PTPN22: variants seen among roughly 807,000 people sequenced by gnomAD.
PTPN22 encodes the protein protein tyrosine phosphatase non-receptor type 22.
In PTPN22, 85 loss-of-function variants were observed where a neutral mutation model predicts 103.3. The ratio of observed to expected loss-of-function variants is 0.82; its 90% CI spans 0.69 to 0.99. The LOEUF is 0.99. Among genes scored for constraint, PTPN22 ranks in the 50% least tolerant of loss-of-function variants. The pLI, the probability that PTPN22 is intolerant of heterozygous loss-of-function variation, is 0.00. For synonymous variants in PTPN22, 323 were observed against 310.2 expected (o/e 1.04, Z -0.43); for missense variants, 865 against 936.9 (o/e 0.92, Z 1.00).
intron 9 of PTPN22, among the ~76,000 whole-genome samples, chr1:113,852,657 A>G (rs923707857): frequency 6.6e-6 from 1 of 152,174 alleles, no homozygotes; most frequent in Non-Finnish European, 1.5e-5. Context: ...ACATGATTCA[A>G]TTCAATGGGG....
intron 11 of PTPN22, among the ~76,000 whole-genome samples, chr1:113,845,007 G>A (rs979403761): frequency 2.0e-5 from 3 of 151,806 alleles, no homozygotes; most frequent in Non-Finnish European, 2.9e-5. Context: ...TTGTAGAGAC[G>A]GGGGTCCCCC....
intron 11 of PTPN22, among the ~76,000 whole-genome samples, chr1:113,847,929 A>C (rs145893327): frequency 3.2e-4 from 48 of 151,852 alleles, no homozygotes; most frequent in African/African-American, 1.2e-3. Context: ...TGTAGAGACA[A>C]TTGCTATGTT....
At chr1:113,839,738 T>C (rs911420752) in intron 11 of PTPN22, among the ~76,000 whole-genome samples, 9 of 152,162 alleles carry the variant, frequency 5.9e-5, no homozygotes, top group Non-Finnish European at 1.0e-4. Context: ...AGAGGCCATA[T>C]ATGAAAACCC....
intron 1 of PTPN22, among the ~76,000 whole-genome samples, chr1:113,865,469 C>T (rs530938317): frequency 5.3e-5 from 8 of 152,142 alleles, no homozygotes; most frequent in East Asian, 3.9e-4. Flanking sequence ...AACGATTAAA[C>T]GAGATCACGT....
exon 13 of PTPN22, chr1:113,837,590 C>T (rs1324956786): frequency 6.5e-7 from 1 of 1,547,488 alleles, no homozygotes; most frequent in African/African-American, 1.4e-5. Context: ...AATAACTTAC[C>T]TAGTACAGCT....
At chr1:113,857,122 T>A (rs561244645) in intron 5 of PTPN22, among the ~76,000 whole-genome samples, 1 of 152,236 alleles carries the variant, frequency 6.6e-6, no homozygotes, top group Non-Finnish European at 1.5e-5. Context: ...TTCTGACATG[T>A]AACCAATATA....
intron 1 of PTPN22, among the ~76,000 whole-genome samples, chr1:113,869,426 C>T (rs765371663): frequency 4.0e-5 from 6 of 150,476 alleles, no homozygotes; most frequent in Non-Finnish European, 7.4e-5. Flanking sequence ...CAGAAGTTCG[C>T]TCTTGTTGTC....
chr1:113,819,987 A>G (rs1347938420), intron 19 of PTPN22, among the ~76,000 whole-genome samples: 1 of 148,926 alleles, frequency 6.7e-6, no homozygotes, highest in African/African-American at 2.5e-5. Context: ...TTGGCTTTGG[A>G]CTTCATATTA....
At chr1:113,853,166 G>T (rs1334863114) in intron 9 of PTPN22, among the ~76,000 whole-genome samples, 1 of 150,874 alleles carries the variant, frequency 6.6e-6, no homozygotes, top group Non-Finnish European at 1.5e-5. Flanking sequence ...TTGAACTCCC[G>T]ACCTCAGGTG....
chr1:113,839,650 G>A (rs1224074171), intron 11 of PTPN22, among the ~76,000 whole-genome samples: 3 of 152,034 alleles, frequency 2.0e-5, no homozygotes, highest in Non-Finnish European at 2.9e-5. Context: ...CTCAGTTGAT[G>A]CAGAAAAAGC....
At chr1:113,864,519 G>A (rs150924951) in intron 1 of PTPN22, 1 of 243,970 alleles carries the variant, frequency 4.1e-6, no homozygotes, top group African/African-American at 2.4e-5. Flanking sequence ...TCAACACTTT[G>A]GGAGGCTGAG....
At chr1:113,862,612 A>G (rs1014383852) in intron 1 of PTPN22, among the ~76,000 whole-genome samples, 1 of 152,244 alleles carries the variant, frequency 6.6e-6, no homozygotes, top group Non-Finnish European at 1.5e-5. Flanking sequence ...CAAGACCACG[A>G]TATCTTTGCC....
In PTPN22 at chr1:113,815,298, T is replaced by C. The variant is rs974030658; in HGVS notation, c.2360-329A>G. 4.2e-5 allele frequency: 8 copies of C among 190,148 alleles called. 1 individual carries two copies. Among genetic ancestry groups the C allele is most frequent in the Admixed American group, 2.3e-4 (4 of 17,506 alleles). 11.8% of individuals were successfully genotyped at this position (190,148 alleles called of 1,614,324 possible). Reference sequence around the variant, plus strand: ...CTATGACTTTTTGTCATCCACTCCATCCCATTAAATGAAGTCAGGAAATTT... The same window carrying C: ...CTATGACTTTTTGTCATCCACTCCACCCCATTAAATGAAGTCAGGAAATTT... On this transcript the variant is annotated intron_variant, in intron 20 of 20. Coordinates refer to ENST00000359785, the Ensembl canonical transcript of PTPN22.
At chr1:113,839,085 T>C (rs1203822123) in intron 11 of PTPN22, among the ~76,000 whole-genome samples, 1 of 152,208 alleles carries the variant, frequency 6.6e-6, no homozygotes, top group Non-Finnish European at 1.5e-5. Context: ...TCAAGGCTTT[T>C]ACACTTACTA....
exon 1 of PTPN22, chr1:113,871,546 A>G (rs1666586086): frequency 1.2e-6 from 2 of 1,613,862 alleles, no homozygotes; most frequent in Non-Finnish European, 1.7e-6. Context: ...CCAGAAATTC[A>G]TTGGCAAACT....
rs763581137 is a variant in PTPN22 at position 113,819,542 on chromosome 1, A to AT, written c.2359+34dup. 6.7e-6 allele frequency: 10 copies of AT among 1,497,420 alleles called. No homozygotes were observed. In the Admixed American group the frequency reaches 1.1e-4, roughly 16 times the overall value. The allele number at this position is 1,497,420 out of a possible 1,614,324, so 92.8% of individuals were successfully genotyped here. A position where few individuals can be genotyped will look rare whatever the true frequency, so the allele number is the denominator to read the frequency against. On this transcript the variant is annotated intron_variant, in intron 20 of 20. Coordinates refer to ENST00000359785, the Ensembl canonical transcript of PTPN22. ...ATACTGTAAATGAGTAATTTAGGTA[A>AT]TTTTTTTAACTCTTCAGTAAAATAA...
rs749663784 is a variant in PTPN22, at chr1:113,852,120, G to A, written c.751-16C>T. Reference sequence around the variant, plus strand: ...CAGGAATTATCTATCAAATTAAAGGGGAAAATATTCCTTTCAATATTTTGT... The same window carrying A: ...CAGGAATTATCTATCAAATTAAAGGAGAAAATATTCCTTTCAATATTTTGT... On this transcript the variant is annotated splice_polypyrimidine_tract_variant and intron_variant, in intron 9 of 20. Coordinates refer to ENST00000359785, the Ensembl canonical transcript of PTPN22. The A allele has an allele frequency of 6.4e-7, 1 of 1,563,870 alleles. No homozygotes were observed. The highest frequency in any genetic ancestry group is 1.7e-5 in the Admixed American group (1 of 59,450).
intron 19 of PTPN22, chr1:113,823,486 G>C (rs1468018869): frequency 6.6e-6 from 1 of 152,206 alleles, no homozygotes; most frequent in African/African-American, 2.4e-5. Flanking sequence ...AACGGCAAAA[G>C]ACCAGAGGAT....
chr1:113,864,487 A>G, intron 1 of PTPN22: 3 of 296,132 alleles, frequency 1.0e-5, no homozygotes, highest in South Asian at 8.1e-5. Flanking sequence ...TTAGTCGGGC[A>G]TGGTGGCTCA....
Sources: allele counts gnomAD v4.1 joint callset (sites outside exome capture counted in the v4.1 genomes callset), GRCh38; gene constraint gnomAD v4.1.1; transcripts MANE v1.5; gene names NCBI Gene and HGNC (gene_info 2026-07-23, HGNC 2026-07-21).